Variants in TTC27 observed in about 807,000 individuals in gnomAD.
TTC27 encodes the protein tetratricopeptide repeat domain 27.
TTC27 carries 79 observed loss-of-function variants against 115.9 expected under a neutral mutation model. That is an observed-to-expected ratio of 0.68 (90% CI 0.57 to 0.82). The LOEUF (loss-of-function observed/expected upper bound fraction) is 0.82, where lower values mean the gene tolerates loss of function less well. Ranked by LOEUF, TTC27 falls within the 40% of genes least tolerant of loss-of-function variation. The probability of loss-of-function intolerance (pLI) is 0.00; values close to 1 mark genes in which losing one functional copy is unlikely to be tolerated. For synonymous variants in TTC27, 401 were observed against 356.0 expected (o/e 1.13, Z -1.42); for missense variants, 1,054 against 993.1 (o/e 1.06, Z -0.82).
chr2:32,809,012 G>A (rs961721005), intron 16 of TTC27, among the ~76,000 whole-genome samples: 2 of 152,148 alleles, frequency 1.3e-5, no homozygotes, highest in African/African-American at 2.4e-5. Context: ...TACACATGTG[G>A]GATTGTAATG....
intron 14 of TTC27, among the ~76,000 whole-genome samples, chr2:32,780,342 A>G (rs1262741014): frequency 2.0e-5 from 3 of 152,126 alleles, no homozygotes; most frequent in Non-Finnish European, 4.4e-5. Flanking sequence ...TTAATATCTT[A>G]TAGTTTTCAG....
intron 19 of TTC27, among the ~76,000 whole-genome samples, chr2:32,818,363 A>G (rs544150572): frequency 1.2e-3 from 176 of 152,354 alleles, no homozygotes; most frequent in Non-Finnish European, 2.1e-3. Flanking sequence ...AAAAATATTA[A>G]GTAGGTCGTA....
intron 4 of TTC27, among the ~76,000 whole-genome samples, chr2:32,644,376 A>G (rs114660393): frequency 0.022 from 3,341 of 151,778 alleles, 44 homozygotes; most frequent in African/African-American, 0.032. Flanking sequence ...TATGTTAAGC[A>G]TCATTTGAAA....
intron 16 of TTC27, among the ~76,000 whole-genome samples, chr2:32,797,123 G>A (rs1391322491): frequency 1.4e-5 from 2 of 145,660 alleles, no homozygotes; most frequent in Non-Finnish European, 3.0e-5. Flanking sequence ...GCAGTGAGCC[G>A]AGATTGTGCC....
At chr2:32,818,344 G>T (rs554428200) in intron 19 of TTC27, among the ~76,000 whole-genome samples, 1 of 152,252 alleles carries the variant, frequency 6.6e-6, no homozygotes, top group Non-Finnish European at 1.5e-5. Flanking sequence ...TAAAAAAATT[G>T]ACTTAGATAA....
At chr2:32,724,370 G>C (rs144985532) in intron 10 of TTC27, among the ~76,000 whole-genome samples, 32 of 152,282 alleles carry the variant, frequency 2.1e-4, no homozygotes, top group Non-Finnish European at 3.5e-4. Flanking sequence ...TATTGGTCCA[G>C]AAGCAGTGGA....
chr2:32,740,606 G>C (rs1668599263), intron 12 of TTC27, among the ~76,000 whole-genome samples: 1 of 152,042 alleles, frequency 6.6e-6, no homozygotes, highest in Non-Finnish European at 1.5e-5. Flanking sequence ...TTAAGTCTGA[G>C]CTGTTTCGAA....
rs142030247 is a variant in TTC27 at position 32,682,844 on chromosome 2, G to GTTTTTTTTTT, written c.1119+3924_1119+3925insTTTTTTTTTT. ...CCACCACACCCGGATAATTTTTATT[G>GTTTTTTTTTT]TTGTTTTTTTTTTTTTTTTTTTTTT... On this transcript the variant is annotated intron_variant, in intron 9 of 19. Coordinates refer to ENST00000317907, the MANE Select transcript of TTC27 (RefSeq NM_017735.5). 8.4e-3 allele frequency among the ~76,000 whole-genome samples: 478 copies of GTTTTTTTTTT among 56,948 alleles called. 112 individuals are homozygous for GTTTTTTTTTT. The highest frequency in any genetic ancestry group is 9.6e-3 in the Non-Finnish European group (320 of 33,212). The allele number at this position is 56,948 out of a possible 152,430, so 37.4% of individuals were successfully genotyped here.
chr2:32,643,142 G>C (rs1462138365), intron 4 of TTC27, among the ~76,000 whole-genome samples: 1 of 151,684 alleles, frequency 6.6e-6, no homozygotes, highest in African/African-American at 2.4e-5. Flanking sequence ...GCTAATTGAA[G>C]GTTTTTTAAT....
intron 16 of TTC27, among the ~76,000 whole-genome samples, chr2:32,807,317 C>A (rs1671164513): frequency 6.6e-6 from 1 of 152,140 alleles, no homozygotes. Context: ...TTCTTTACCC[C>A]TCCTTACTCT....
At chr2:32,715,066 C>G (rs1283623774) in intron 10 of TTC27, among the ~76,000 whole-genome samples, 1 of 152,046 alleles carries the variant, frequency 6.6e-6, no homozygotes, top group Non-Finnish European at 1.5e-5. Context: ...TGCAAAAGCT[C>G]TTTTGTTTAA....
intron 5 of TTC27, among the ~76,000 whole-genome samples, chr2:32,652,692 G>C (rs894178723): frequency 1.7e-4 from 26 of 152,176 alleles, no homozygotes; most frequent in African/African-American, 6.0e-4. Flanking sequence ...TTCGTAGATA[G>C]TGCTGAATTA....
Position 32,817,621 on chromosome 2 carries a change from T to G in TTC27, c.2409+64T>G, listed in dbSNP as rs568978063. The stretch of plus-strand genomic sequence containing the variant: ...GAAAAAGGTCATTAGTATCAGCTTA[T>G]TGCTGTTAAATCTTCTTTTACATCA... On this transcript the variant is annotated intron_variant, in intron 19 of 19. Transcript: ENST00000317907. The G allele has an allele frequency of 2.0e-5, 27 of 1,376,312 alleles. No individual in the cohort carries two copies. The African/African-American group carries it at 3.7e-4, about 19-fold the overall frequency. 85.3% of individuals were successfully genotyped at this position (1,376,312 alleles called of 1,614,324 possible). A position where few individuals can be genotyped will look rare whatever the true frequency, so the allele number is the denominator to read the frequency against.
intron 13 of TTC27, among the ~76,000 whole-genome samples, chr2:32,774,183 C>CTTT (rs35405720): frequency 5.7e-5 from 8 of 139,796 alleles, no homozygotes; most frequent in South Asian, 2.3e-4. Flanking sequence ...CTTCCTTTTA[C>CTTT]TTTTTTTTTT....
Position 32,782,674 on chromosome 2 carries a change from C to G in TTC27, c.1828C>G (p.Gln610Glu), listed in dbSNP as rs111868571. ...GTCAACTTCCTATATCCGATTAAAA[C>G]AAAAGTAAGTACATCAGACAAATAT... ...NLSTSYIRLK[Q>E]KVKAFRTLQE... The change falls in exon 15 of 20, where the codon CAA (glutamine) becomes GAA (glutamate). Residue 610 changes from glutamine (Q) to glutamate (E), a missense_variant. Physicochemically the swap from Gln to Glu is conservative, Grantham distance 29. Transcript: ENST00000317907. The G allele has an allele frequency of 7.5e-6, 12 of 1,610,270 alleles. No homozygotes were observed. In the African/African-American group the frequency reaches 1.3e-4, roughly 18 times the overall value.
At chr2:32,796,087 A>G (rs746820637) in intron 16 of TTC27, among the ~76,000 whole-genome samples, 3 of 152,238 alleles carry the variant, frequency 2.0e-5, no homozygotes, top group Admixed American at 6.5e-5. Context: ...AGCTGTTAGA[A>G]CTAATAAATG....
intron 5 of TTC27, 122 bp downstream of exon 5, chr2:32,650,355 T>A: frequency 7.6e-5 from 11 of 144,662 alleles, no homozygotes; most frequent in East Asian, 3.6e-4. Context: ...AGTTGTTTCT[T>A]TTTTTTTTTT....
intron 17 of TTC27, 88 bp downstream of exon 17, chr2:32,811,309 A>T: frequency 8.1e-7 from 1 of 1,233,780 alleles, no homozygotes; most frequent in South Asian, 1.4e-5. Flanking sequence ...GGAAGAGTTT[A>T]ACAATCTGAA....
intron 5 of TTC27, 120 bp downstream of exon 5, chr2:32,650,353 CT>C (rs368973893): frequency 0.11 from 23,333 of 210,470 alleles, 27 homozygotes; most frequent in East Asian, 0.14. Flanking sequence ...TGAGTTGTTT[CT>C]TTTTTTTTTT....
Sources: allele counts gnomAD v4.1 joint callset (sites outside exome capture counted in the v4.1 genomes callset), GRCh38; gene constraint gnomAD v4.1.1; transcripts MANE v1.5; gene names NCBI Gene and HGNC (gene_info 2026-07-23, HGNC 2026-07-21).